Variants in RUNDC3B observed in about 807,000 individuals in gnomAD.
The protein encoded by RUNDC3B is RUN domain containing 3B, also known as RUN domain-containing protein 3B.
Under a neutral mutation model 58.4 loss-of-function variants are expected in RUNDC3B, and 33 were observed. That is an observed-to-expected ratio of 0.56 (90% CI 0.43 to 0.75). The LOEUF (loss-of-function observed/expected upper bound fraction) is 0.75, where lower values mean the gene tolerates loss of function less well. Among genes scored for constraint, RUNDC3B ranks in the 30% least tolerant of loss-of-function variants. RUNDC3B has a pLI of 0.00. For missense variants in RUNDC3B, 501 were observed against 535.7 expected, an observed-to-expected ratio of 0.94 and a Z score of 0.64; for synonymous variants, 193 against 195.2, an observed-to-expected ratio of 0.99 and a Z score of 0.10.
intron 10 of RUNDC3B, among the ~76,000 whole-genome samples, chr7:87,816,895 A>G (rs1255822557): frequency 6.6e-6 from 1 of 152,086 alleles, no homozygotes; most frequent in Non-Finnish European, 1.5e-5. Context: ...CCAGTCATCT[A>G]TTTGGTTCAA....
chr7:87,699,971 TGAAGA>T (rs893579411), intron 2 of RUNDC3B, among the ~76,000 whole-genome samples: 2 of 152,182 alleles, frequency 1.3e-5, no homozygotes, highest in African/African-American at 4.8e-5. Flanking sequence ...AGTATCCTTA[TGAAGA>T]GGAGAAAAGA....
At position 87,807,420 on chromosome 7, in the gene RUNDC3B, C is replaced by A. The variant is rs763712305; in HGVS notation, c.1004C>A (p.Ala335Asp). The change falls in exon 9 of 11, where the codon GCC (alanine) becomes GAC (aspartate). Residue 335 changes from alanine (A) to aspartate (D), a missense_variant. Transcript: ENST00000394654. ...TTAAGATCGAGACAAGAGTTAACTGCCCATCTCACCAACCAGTGGCCTTCT... is the reference window on the plus strand; with the variant it reads ...TTAAGATCGAGACAAGAGTTAACTGACCATCTCACCAACCAGTGGCCTTCT... ...NDLRSRQELT[A>D]HLTNQWPSPG... 7 of 1,613,484 alleles carry A rather than the reference C, an allele frequency of 4.3e-6. No homozygotes were observed. Among genetic ancestry groups the A allele is most frequent in the Non-Finnish European group, 5.1e-6 (6 of 1,179,582 alleles).
chr7:87,742,128 A>G (rs1267129214), intron 6 of RUNDC3B, among the ~76,000 whole-genome samples: 3 of 152,206 alleles, frequency 2.0e-5, no homozygotes, highest in Non-Finnish European at 2.9e-5. Context: ...TCAGCATTAA[A>G]TAATAATTAA....
At chr7:87,744,956 A>T (rs1285666292) in intron 6 of RUNDC3B, among the ~76,000 whole-genome samples, 1 of 152,194 alleles carries the variant, frequency 6.6e-6, no homozygotes, top group Non-Finnish European at 1.5e-5. Context: ...TGGGTTTGTC[A>T]TAGATGGCTT....
chr7:87,814,679 C>T (rs1389427242), intron 9 of RUNDC3B, among the ~76,000 whole-genome samples: 1 of 152,056 alleles, frequency 6.6e-6, no homozygotes, highest in Non-Finnish European at 1.5e-5. Context: ...TTTTATTGCA[C>T]ATTACATAGC....
At chr7:87,660,749 T>A (rs1824620433) in intron 2 of RUNDC3B, among the ~76,000 whole-genome samples, 1 of 152,010 alleles carries the variant, frequency 6.6e-6, no homozygotes, top group Non-Finnish European at 1.5e-5. Flanking sequence ...AAATTTATGT[T>A]TGAGTAATGT....
intron 6 of RUNDC3B, among the ~76,000 whole-genome samples, chr7:87,743,807 T>G (rs891322397): frequency 3.9e-5 from 6 of 152,230 alleles, no homozygotes; most frequent in African/African-American, 1.4e-4. Context: ...GCAAAAGCTC[T>G]TTAGTTTAAT....
intron 6 of RUNDC3B, among the ~76,000 whole-genome samples, chr7:87,758,526 T>C (rs997912450): frequency 6.6e-6 from 1 of 152,096 alleles, no homozygotes; most frequent in Non-Finnish European, 1.5e-5. Flanking sequence ...GCAGTCAACA[T>C]AGTGAAGAGA....
intron 3 of RUNDC3B, among the ~76,000 whole-genome samples, chr7:87,703,878 G>C (rs1309490760): frequency 6.3e-5 from 1 of 15,954 alleles, no homozygotes; most frequent in Non-Finnish European, 1.3e-4. Flanking sequence ...AGCTTTATCA[G>C]TTTTTTCTTT....
intron 6 of RUNDC3B, among the ~76,000 whole-genome samples, chr7:87,759,976 C>T (rs1239287900): frequency 1.3e-5 from 2 of 151,656 alleles, no homozygotes; most frequent in Non-Finnish European, 1.5e-5. Context: ...TTTTTTACAT[C>T]AAAGCTCTGA....
intron 2 of RUNDC3B, among the ~76,000 whole-genome samples, chr7:87,686,884 T>A (rs975347222): frequency 1.3e-5 from 2 of 149,510 alleles, no homozygotes; most frequent in African/African-American, 4.9e-5. Flanking sequence ...AGACCAAGGC[T>A]GCAGTGAGCC....
At chr7:87,782,478 C>T (rs1362002659) in intron 8 of RUNDC3B, among the ~76,000 whole-genome samples, 2 of 151,866 alleles carry the variant, frequency 1.3e-5, no homozygotes, top group African/African-American at 4.8e-5. Flanking sequence ...TTCAGTTCTG[C>T]TCTGATTTCA....
chr7:87,746,786 G>A (rs530355258), intron 6 of RUNDC3B, among the ~76,000 whole-genome samples: 112 of 152,274 alleles, frequency 7.4e-4, no homozygotes, highest in African/African-American at 2.7e-3. Flanking sequence ...TCATTTAAGT[G>A]GAGCTTTTAG....
intron 6 of RUNDC3B, among the ~76,000 whole-genome samples, chr7:87,754,193 A>G (rs1384632156): frequency 6.6e-6 from 1 of 152,218 alleles, no homozygotes; most frequent in Non-Finnish European, 1.5e-5. Flanking sequence ...ATTGGACATA[A>G]AACAATCCTC....
In RUNDC3B at chr7:87,830,087, T is replaced by G; in HGVS notation, c.*57T>G. ...GTTGTAAATGTTTAATTTACATGTT[T>G]GACTGCTGGGAAGACCTTTGAAATT... On this transcript the variant is annotated 3_prime_UTR_variant, in exon 11 of 11. Coordinates refer to ENST00000394654, the MANE Select transcript of RUNDC3B (RefSeq NM_001134405.2). The G allele has an allele frequency of 8.5e-7, 1 of 1,175,916 alleles. No individual in the cohort carries two copies. Among genetic ancestry groups the G allele is most frequent in the South Asian group, 1.6e-5 (1 of 60,978 alleles). The allele number at this position is 1,175,916 out of a possible 1,614,324, so 72.8% of individuals were successfully genotyped here. A position where few individuals can be genotyped will look rare whatever the true frequency, so the allele number is the denominator to read the frequency against.
At chr7:87,756,667 A>G (rs1260894504) in intron 6 of RUNDC3B, among the ~76,000 whole-genome samples, 2 of 152,054 alleles carry the variant, frequency 1.3e-5, no homozygotes, top group Non-Finnish European at 2.9e-5. Flanking sequence ...TCTATATACC[A>G]TATTCCATCA....
At chr7:87,631,950 A>T (rs1821266216) in intron 1 of RUNDC3B, among the ~76,000 whole-genome samples, 1 of 152,122 alleles carries the variant, frequency 6.6e-6, no homozygotes. Context: ...TTAGTTTTGA[A>T]TTTTTCCAAA....
chr7:87,660,051 G>A (rs1824529552), intron 2 of RUNDC3B, among the ~76,000 whole-genome samples: 1 of 152,118 alleles, frequency 6.6e-6, no homozygotes. Flanking sequence ...GTGTTTATGA[G>A]TAAAATTAGT....
At chr7:87,751,715 G>A (rs1833002147) in intron 6 of RUNDC3B, among the ~76,000 whole-genome samples, 1 of 152,018 alleles carries the variant, frequency 6.6e-6, no homozygotes, top group Non-Finnish European at 1.5e-5. Context: ...TGTGATTTTT[G>A]TACATTGATT....
Sources: gnomAD v4.1 joint callset for allele counts (sites outside exome capture counted in the v4.1 genomes callset) on GRCh38, gnomAD v4.1.1 for gene constraint, MANE v1.5 for transcripts, NCBI Gene and HGNC (gene_info 2026-07-23, HGNC 2026-07-21) for gene names.